The following PATL2 variants were observed in gnomAD, a reference collection of about 807,000 sequenced individuals.
PATL2 encodes the protein protein PAT1 homolog 2.
A neutral mutation model predicts 77.0 loss-of-function variants in PATL2; 73 were observed. That is an observed-to-expected ratio of 0.95 (90% CI 0.78 to 1.15). The LOEUF is 1.15. Ranked by LOEUF, PATL2 falls within the 50% of genes most tolerant of loss-of-function variation. The pLI is 0.00. For synonymous variants in PATL2, 265 were observed against 257.1 expected (o/e 1.03, Z -0.29); for missense variants, 618 against 655.4 (o/e 0.94, Z 0.62).
At chr15:44,670,842 G>A (rs1328411000) in intron 9 of PATL2, among the ~76,000 whole-genome samples, 1 of 152,204 alleles carries the variant, frequency 6.6e-6, no homozygotes, top group African/African-American at 2.4e-5. Context: ...CTGATGGTAT[G>A]AAGGCCATCC....
At chr15:44,691,626 A>G (rs773661042) in intron 3 of PATL2, among the ~76,000 whole-genome samples, 3 of 151,190 alleles carry the variant, frequency 2.0e-5, no homozygotes, top group Non-Finnish European at 2.9e-5. Context: ...GCACCACTGC[A>G]CTCCAGCCTG....
At chr15:44,692,382 C>T (rs2086411095) in intron 3 of PATL2, among the ~76,000 whole-genome samples, 1 of 151,722 alleles carries the variant, frequency 6.6e-6, no homozygotes, top group African/African-American at 2.4e-5. Flanking sequence ...CAAAAAATAC[C>T]CCAAAGACAA....
chr15:44,674,310 T>C, intron 5 of PATL2, 80 bp from the exon 6 acceptor site: 5 of 1,128,662 alleles, frequency 4.4e-6, no homozygotes, highest in Non-Finnish European at 6.3e-6. Flanking sequence ...TTTGAGGTGG[T>C]GGGAGGAAGC....
chr15:44,675,364 A>C (rs2085900479), intron 5 of PATL2, 122 bp downstream of exon 5: 1 of 1,140,578 alleles, frequency 8.8e-7, no homozygotes, highest in Non-Finnish European at 1.2e-6. Flanking sequence ...GCTTAAAAAG[A>C]AAGTGTTAAT....
intron 9 of PATL2, among the ~76,000 whole-genome samples, chr15:44,670,445 T>C (rs1173649782): frequency 6.6e-6 from 1 of 152,162 alleles, no homozygotes. Flanking sequence ...CAGCCCTCCT[T>C]GGCCTCCCAA....
intron 3 of PATL2, among the ~76,000 whole-genome samples, chr15:44,691,593 G>A (rs1027085952): frequency 6.6e-6 from 1 of 151,812 alleles, no homozygotes; most frequent in African/African-American, 2.4e-5. Flanking sequence ...AGGAGGTGGA[G>A]GTTGCAGTGA....
At chr15:44,683,400 G>C (rs563063740) in intron 3 of PATL2, among the ~76,000 whole-genome samples, 11 of 152,260 alleles carry the variant, frequency 7.2e-5, no homozygotes, top group Non-Finnish European at 1.0e-4. Context: ...TGAGCTTGGT[G>C]GGGGGAGGGG....
Position 44,672,397 on chromosome 15 carries a change from T to C in PATL2, c.506A>G (p.Gln169Arg). Residue 169 changes from glutamine (Q) to arginine (R), a missense_variant, in exon 8 of 18, where the codon CAA becomes CGA. Transcript: ENST00000682850. The stretch of plus-strand genomic sequence containing the variant: ...CTGGTCTGGGCTTTACCTTGGTGTT[T>C]GACTATGCTGCTGCTGCTGCAAGAT... ...QRILQQQQHS[Q>R]TPSPPAKKPW... The C allele has an allele frequency of 6.4e-7, 1 of 1,551,682 alleles. No individual in the cohort carries two copies. Among genetic ancestry groups the C allele is most frequent in the Non-Finnish European group, 8.7e-7 (1 of 1,146,970 alleles).
chr15:44,666,035 A>G, intron 17 of PATL2, 64 bp from the exon 18 acceptor site: 1 of 1,385,996 alleles, frequency 7.2e-7, no homozygotes, highest in Non-Finnish European at 9.8e-7. Flanking sequence ...ATATGATTTA[A>G]TTAGTATCTG....
At position 44,676,252 on chromosome 15, in the gene PATL2, T is replaced by C. The variant is rs369038517; in HGVS notation, c.16+223A>G. The C allele has an allele frequency of 7.8e-5, 44 of 566,250 alleles. No individual in the cohort carries two copies. In the South Asian group the frequency reaches 8.5e-4, roughly 11 times the overall value. The allele number at this position is 566,250 out of a possible 1,614,324, so 35.1% of individuals were successfully genotyped here. A position where few individuals can be genotyped will look rare whatever the true frequency, so the allele number is the denominator to read the frequency against. ...CGTGCATATGTTCATTTAACAGTAATATGAGGCTGTCCTGGGTTGTTGTTG... is the reference window on the plus strand; with the variant it reads ...CGTGCATATGTTCATTTAACAGTAACATGAGGCTGTCCTGGGTTGTTGTTG... On this transcript the variant is annotated intron_variant, in intron 4 of 17. Coordinates refer to ENST00000682850, the MANE Select transcript of PATL2 (RefSeq NM_001387263.1).
chr15:44,694,924 C>G (rs966172158), intron 3 of PATL2, among the ~76,000 whole-genome samples: 1 of 152,152 alleles, frequency 6.6e-6, no homozygotes, highest in African/African-American at 2.4e-5. Context: ...CACAACACCC[C>G]TTTTCAGCAT....
At chr15:44,691,952 G>A (rs1465404345) in intron 3 of PATL2, among the ~76,000 whole-genome samples, 5 of 152,100 alleles carry the variant, frequency 3.3e-5, no homozygotes, top group Non-Finnish European at 1.5e-5. Context: ...GTTTCACAGT[G>A]TGTAGCCTGA....
At chr15:44,706,750 G>A (rs1327959567) in intron 3 of PATL2, among the ~76,000 whole-genome samples, 3 of 152,200 alleles carry the variant, frequency 2.0e-5, no homozygotes, top group Admixed American at 6.5e-5. Context: ...GGTAACCACC[G>A]CCTGGCTACT....
chr15:44,704,592 T>A (rs2086695232), intron 3 of PATL2, among the ~76,000 whole-genome samples: 1 of 152,246 alleles, frequency 6.6e-6, no homozygotes, highest in Non-Finnish European at 1.5e-5. Context: ...GTTATTAGTT[T>A]TGACTGGTTC....
intron 3 of PATL2, among the ~76,000 whole-genome samples, chr15:44,687,237 C>T (rs1303184607): frequency 1.3e-5 from 2 of 152,174 alleles, no homozygotes. Context: ...CCCTGGGATG[C>T]AAGGCTGGTT....
chr15:44,671,585 GA>G (rs2085679629), intron 9 of PATL2, among the ~76,000 whole-genome samples: 1 of 152,110 alleles, frequency 6.6e-6, no homozygotes, highest in African/African-American at 2.4e-5. Context: ...GGAAGCAGGG[GA>G]AAATGAGTAA....
In PATL2 at chr15:44,669,822, G is replaced by A. The variant is rs1172191960; in HGVS notation, c.831C>T (p.Ser277=). The A allele has an allele frequency of 1.3e-6, 2 of 1,551,668 alleles. No homozygotes were observed. Among genetic ancestry groups the A allele is most frequent in the East Asian group, 2.4e-5 (1 of 40,908 alleles). Residue 277 remains serine (S), a synonymous_variant, in exon 11 of 18, where the codon AGC becomes AGT. Transcript: ENST00000682850. ...LGQVAVSTCF[S]PRRAIDAVPH... is the part of the protein sequence containing the mutation. ...GTACCGCATCAATAGCTCGGCGAGG[G>A]CTGAAGCATGTCGACACAGCTACCT...
rs7173921 is a variant in PATL2, at chr15:44,693,558, G to A, written c.-76+16538C>T. Among the ~76,000 whole-genome samples the A allele has an allele frequency of 5.3e-5, 8 of 152,080 alleles. 1 individual carries two copies. The highest frequency in any genetic ancestry group is 9.7e-5 in the African/African-American group (4 of 41,362). On this transcript the variant is annotated intron_variant, in intron 3 of 17. Transcript: ENST00000682850. ...CAAATAATTCCTGATAATCTCCTTT[G>A]TAAAAGGTCCTTAACTTTAATTACA...
intron 14 of PATL2, 36 bp from the exon 15 acceptor site, chr15:44,668,518 C>G: frequency 6.5e-7 from 1 of 1,543,188 alleles, no homozygotes; most frequent in African/African-American, 1.4e-5. Flanking sequence ...CCAAATTCCA[C>G]TACAACTTCA....
Sources: gnomAD v4.1 joint callset for allele counts (sites outside exome capture counted in the v4.1 genomes callset) on GRCh38, gnomAD v4.1.1 for gene constraint, MANE v1.5 for transcripts, NCBI Gene and HGNC (gene_info 2026-07-23, HGNC 2026-07-21) for gene names.